The following ECE1 variants were observed in gnomAD, a reference collection of about 807,000 sequenced individuals.
ECE1 encodes endothelin converting enzyme 1.
Under a neutral mutation model 98.6 loss-of-function variants are expected in ECE1, and 35 were observed. The ratio of observed to expected loss-of-function variants is 0.35; its 90% CI spans 0.27 to 0.47. The LOEUF (loss-of-function observed/expected upper bound fraction) is 0.47. Among genes scored for constraint, ECE1 ranks in the 20% least tolerant of loss-of-function variants. The pLI is 1.00. For synonymous variants in ECE1, 394 were observed against 407.1 expected, an observed-to-expected ratio of 0.97 and a Z score of 0.39; for missense variants, 814 against 1,025.3, an observed-to-expected ratio of 0.79 and a Z score of 2.81.
At chr1:21,336,224 T>C (rs1335119673) in intron 1 of ECE1, among the ~76,000 whole-genome samples, 1 of 151,974 alleles carries the variant, frequency 6.6e-6, no homozygotes, top group Admixed American at 6.6e-5. Flanking sequence ...TACAAAAAAA[T>C]ATCAGAAAAT....
At chr1:21,221,608 A>AGGGCACATGTGCT in intron 18 of ECE1, 139 bp downstream of exon 18, 1 of 892,714 alleles carries the variant, frequency 1.1e-6, no homozygotes, top group Admixed American at 1.7e-5. Flanking sequence ...CTCTAATGAC[A>AGGGCACATGTGCT]GGGCACATGT....
At chr1:21,329,511 C>T (rs954637223) in intron 1 of ECE1, among the ~76,000 whole-genome samples, 2 of 152,198 alleles carry the variant, frequency 1.3e-5, no homozygotes, top group African/African-American at 4.8e-5. Flanking sequence ...TGACCTTGGA[C>T]ACATGGCTCA....
Position 21,345,449 on chromosome 1 carries a change from C to CGG in ECE1, c.-72_-71insCC, listed in dbSNP as rs1639480647. 3 of 1,272,152 alleles carry CGG rather than the reference C, an allele frequency of 2.4e-6. No homozygotes were observed. In the African/African-American group the frequency reaches 4.6e-5, roughly 19 times the overall value. 78.8% of individuals were successfully genotyped at this position (1,272,152 alleles called of 1,614,324 possible). On this transcript the variant is annotated 5_prime_UTR_variant, in exon 1 of 19. Transcript: ENST00000415912. This position sits in a 1 kb window ranked among gnomAD's most constrained non-coding sequence, Gnocchi z 5.1. ...CTCCCGATTCCCAGCTCCGGGTTCC[C>CGG]TGCTCCCAGCCCAGCTGCTCGGACG...
chr1:21,324,686 G>A (rs3026827), intron 1 of ECE1, among the ~76,000 whole-genome samples: 12,296 of 152,234 alleles, frequency 0.081, 590 homozygotes, highest in Non-Finnish European at 0.11. Flanking sequence ...GAAGGAGCCC[G>A]CGGGTCACTT....
chr1:21,227,153 T>A lies in ECE1; in HGVS notation c.1849+6A>T. The A allele has an allele frequency of 6.2e-7, 1 of 1,613,940 alleles. No homozygotes were observed. Among genetic ancestry groups the A allele is most frequent in the Non-Finnish European group, 8.5e-7 (1 of 1,179,912 alleles). The stretch of plus-strand genomic sequence containing the variant: ...ATGAGCCATCGTGCCCAGCTGGAAT[T>A]CGTACCTTGATCATCAAAAGCATGA... On this transcript the variant is annotated splice_donor_region_variant and intron_variant, in intron 16 of 18. Transcript: ENST00000374893.
rs1220836935 is a variant in ECE1, at chr1:21,296,686, G to A, written c.4-6530C>T. On this transcript the variant is annotated intron_variant, in intron 1 of 18. Transcript: ENST00000415912. ...TTACAGATGCAGAGACTGAGGCTCA[G>A]AGAAAGGAAGCAGCTTGCCAGAGCT... Among the ~76,000 whole-genome samples the A allele has an allele frequency of 3.9e-5, 6 of 152,252 alleles. No homozygotes were observed. In the South Asian group the frequency reaches 1.0e-3, roughly 26 times the overall value.
chr1:21,236,505 C>A (rs561402009), intron 12 of ECE1, among the ~76,000 whole-genome samples: 2 of 152,180 alleles, frequency 1.3e-5, no homozygotes, highest in Non-Finnish European at 2.9e-5. Flanking sequence ...CAAAATTAAC[C>A]GAGCGTGGTG....
chr1:21,244,710 T>G (rs1489990850), intron 10 of ECE1, among the ~76,000 whole-genome samples: 1 of 152,168 alleles, frequency 6.6e-6, no homozygotes, highest in Non-Finnish European at 1.5e-5. Context: ...GGTGGTCCCC[T>G]GTGCAAAGTG....
intron 10 of ECE1, 159 bp from the exon 11 acceptor site, chr1:21,238,403 G>A (rs1233335710): frequency 2.9e-6 from 2 of 683,250 alleles, no homozygotes; most frequent in East Asian, 2.7e-5. Flanking sequence ...CGGACCAAGA[G>A]GCCACTGATA....
At chr1:21,334,172 CCTG>C (rs1187271819) in intron 1 of ECE1, among the ~76,000 whole-genome samples, 27 of 152,202 alleles carry the variant, frequency 1.8e-4, no homozygotes, top group Non-Finnish European at 2.6e-4. Context: ...CTGCCTCTAA[CCTG>C]CTGTATAGCC....
At chr1:21,263,559 G>A (rs1344508583) in intron 4 of ECE1, among the ~76,000 whole-genome samples, 1 of 152,104 alleles carries the variant, frequency 6.6e-6, no homozygotes. Context: ...GTTTCACCAT[G>A]TTGGCCAGGA....
At chr1:21,255,486 C>A (rs3026883) in intron 8 of ECE1, among the ~76,000 whole-genome samples, 36,353 of 152,202 alleles carry the variant, frequency 0.24, 5,378 homozygotes, top group Non-Finnish European at 0.33. Flanking sequence ...ACAGTGAGCC[C>A]ATCTGCGGCT....
intron 1 of ECE1, among the ~76,000 whole-genome samples, chr1:21,341,090 AAT>A: frequency 6.8e-6 from 1 of 147,886 alleles, no homozygotes; most frequent in African/African-American, 2.5e-5. Flanking sequence ...TTATGATTTT[AAT>A]GCCATGTGCT....
rs757779113 is a variant in ECE1 at position 21,221,802 on chromosome 1, G to A, written c.2081C>T (p.Ser694Leu). 1.9e-6 allele frequency: 3 copies of A among 1,614,194 alleles called. No individual in the cohort carries two copies. The highest frequency in any genetic ancestry group is 2.7e-5 in the African/African-American group (2 of 75,048). The stretch of plus-strand genomic sequence containing the variant: ...ATTGGTGAGGCCCAGGGTGGGGAGC[G>A]AGTGCTCAGCCCCGTTCTTCTTCAC... Reference protein sequence around the residue: ...NWVKKNGAEHSLPTLGLTNNQ... With the variant: ...NWVKKNGAEHLLPTLGLTNNQ... Residue 694 changes from serine (S) to leucine (L), a missense_variant, in exon 18 of 19, where the codon TCG becomes TTG. Physicochemically the swap from Ser to Leu is moderately radical, Grantham distance 145. Around this residue, in one of 3 missense-constraint regions of ECE1, gnomAD observed 452 missense variants for 567.3 expected, o/e 0.80. Transcript: ENST00000374893.
At chr1:21,221,071 T>G (rs1296857607) in intron 18 of ECE1, among the ~76,000 whole-genome samples, 3 of 152,350 alleles carry the variant, frequency 2.0e-5, no homozygotes. Context: ...TTGGATTTAG[T>G]CCAGATCTCT....
chr1:21,302,744 C>T (rs1192192749), intron 1 of ECE1, among the ~76,000 whole-genome samples: 1 of 152,196 alleles, frequency 6.6e-6, no homozygotes, highest in Non-Finnish European at 1.5e-5. Context: ...CTGGCCCGCC[C>T]TGCCCCCTTT....
At position 21,258,705 on chromosome 1, in the gene ECE1, G is replaced by C; in HGVS notation, c.750C>G (p.Ser250Arg). The change falls in exon 6 of 19, where the codon AGC becomes AGG. Residue 250 changes from serine (S) to arginine (R), a missense_variant. Transcript: ENST00000374893. The surrounding 1 kb of genome is among the most constrained non-coding windows in gnomAD (Gnocchi z 4.2). Reference protein sequence around the residue: ...YVSADSKNSNSNVIQVDQSGL... With the variant: ...YVSADSKNSNRNVIQVDQSGL... ...CAAGCTAGCTCACCTGGATCACGTT[G>C]CTGTTGGAGTTCTTGGAATCGGCAC... 1 of 1,612,868 alleles carries C rather than the reference G, an allele frequency of 6.2e-7. No individual in the cohort carries two copies. Among genetic ancestry groups the C allele is most frequent in the Non-Finnish European group, 8.5e-7 (1 of 1,179,170 alleles).
chr1:21,270,932 C>T (rs182558811), intron 4 of ECE1, among the ~76,000 whole-genome samples: 4 of 152,318 alleles, frequency 2.6e-5, no homozygotes, highest in African/African-American at 7.2e-5. Flanking sequence ...CCTGCCAAGC[C>T]CCCAGCTGTG....
chr1:21,279,486 A>C (rs1417140319), intron 2 of ECE1, 154 bp from the exon 3 acceptor site: 5 of 1,501,230 alleles, frequency 3.3e-6, no homozygotes, highest in Non-Finnish European at 3.6e-6. Flanking sequence ...ATTCAGCCCT[A>C]ATCCAGGAAA....
Sources: gnomAD v4.1 joint callset for allele counts (sites outside exome capture counted in the v4.1 genomes callset) on GRCh38, gnomAD v4.1.1 for gene constraint, gnomAD v4.1.1 regional missense constraint, Gnocchi (gnomAD v3.1) non-coding constraint, MANE v1.5 for transcripts, NCBI Gene and HGNC (gene_info 2026-07-23, HGNC 2026-07-21) for gene names.